Variants in DNAAF4 observed in about 807,000 individuals in gnomAD.
DNAAF4 encodes dynein assembly factor 4, axonemal.
In DNAAF4, 43 loss-of-function variants were observed where a neutral mutation model predicts 51.8. The ratio of observed to expected loss-of-function variants is 0.83; its 90% CI spans 0.65 to 1.07. The LOEUF (loss-of-function observed/expected upper bound fraction) is 1.07. DNAAF4 is among the 50% of genes least tolerant of loss of function. The pLI is 0.00. For synonymous variants in DNAAF4, 194 were observed against 165.6 expected, an observed-to-expected ratio of 1.17 and a Z score of -1.32; for missense variants, 581 against 493.0, an observed-to-expected ratio of 1.18 and a Z score of -1.69.
intron 3 of DNAAF4, among the ~76,000 whole-genome samples, chr15:55,497,314 G>A (rs1220366748): frequency 2.6e-5 from 4 of 152,136 alleles, no homozygotes; most frequent in Non-Finnish European, 5.9e-5. Context: ...AAGTCTATCT[G>A]GCCGGGTGTG....
At chr15:55,478,143 C>T (rs1048708157) in intron 4 of DNAAF4, among the ~76,000 whole-genome samples, 3 of 152,178 alleles carry the variant, frequency 2.0e-5, no homozygotes, top group Non-Finnish European at 2.9e-5. Flanking sequence ...AACGGGTACA[C>T]AAATTCAGTT....
rs564771451 is a variant in DNAAF4, at chr15:55,481,441, G to A, written c.405+9682C>T. On this transcript the variant is annotated intron_variant, in intron 4 of 9. Coordinates refer to ENST00000321149, the MANE Select transcript of DNAAF4 (RefSeq NM_130810.4). ...AATACTTGTACTTACATTGATTTTT[G>A]GACCATTTTTGTTTAATCATGTAAC... Among the ~76,000 whole-genome samples, 3 of 152,092 alleles carry A rather than the reference G, an allele frequency of 2.0e-5. No homozygotes were observed. The South Asian group carries it at 6.2e-4, about 32-fold the overall frequency.
chr15:55,432,054 C>T (rs1030850058), intron 9 of DNAAF4, among the ~76,000 whole-genome samples: 3 of 151,918 alleles, frequency 2.0e-5, no homozygotes, highest in African/African-American at 7.3e-5. Context: ...CTCCCGGGTT[C>T]AAGGGATTCT....
chr15:55,436,747 T>C (rs1368423566), intron 7 of DNAAF4, among the ~76,000 whole-genome samples: 1 of 152,136 alleles, frequency 6.6e-6, no homozygotes, highest in Non-Finnish European at 1.5e-5. Context: ...CTCAAAATCC[T>C]GAACTCAAGT....
intron 6 of DNAAF4, among the ~76,000 whole-genome samples, chr15:55,442,377 C>T (rs1247873504): frequency 2.0e-5 from 3 of 152,184 alleles, no homozygotes; most frequent in Non-Finnish European, 2.9e-5. Context: ...CCTTGGCCTC[C>T]TAAAGTGCTG....
In DNAAF4 at chr15:55,450,262, G is replaced by A. The variant is rs1425693640; in HGVS notation, c.743C>T (p.Pro248Leu). Reference sequence around the variant, plus strand: ...TACTTGTGATTCACGAAGAGCTGTTGGGAATACTCGAGGGGTAAAGTTGAT... The same window carrying A: ...TACTTGTGATTCACGAAGAGCTGTTAGGAATACTCGAGGGGTAAAGTTGAT... The part of the protein sequence containing the change: ...IKINFTPRVF[P>L]TALRESQVAE... The change falls in exon 6 of 10, where the codon CCA (proline) becomes CTA (leucine). Residue 248 changes from proline to leucine, a missense_variant. By Grantham distance (98) the Pro-to-Leu change is moderately conservative. Transcript: ENST00000321149. The A allele has an allele frequency of 6.2e-7, 1 of 1,613,988 alleles. No homozygotes were observed. The highest frequency in any genetic ancestry group is 2.2e-5 in the East Asian group (1 of 44,860).
downstream of DNAAF4, among the ~76,000 whole-genome samples, chr15:55,426,446 A>C (rs1161101565): frequency 6.6e-6 from 1 of 152,218 alleles, no homozygotes; most frequent in Non-Finnish European, 1.5e-5. Context: ...AAGTTAGTTC[A>C]GCCTATGCAC....
At chr15:55,433,884 T>TA (rs2057546253) in intron 8 of DNAAF4, among the ~76,000 whole-genome samples, 1 of 29,840 alleles carries the variant, frequency 3.4e-5, no homozygotes, top group East Asian at 7.6e-4. Context: ...ATTACATATA[T>TA]TATATATATA....
intron 4 of DNAAF4, among the ~76,000 whole-genome samples, chr15:55,473,329 A>G (rs924348095): frequency 1.4e-5 from 2 of 142,204 alleles, no homozygotes; most frequent in Non-Finnish European, 3.0e-5. Context: ...GTGTGTATAT[A>G]TATGTGTGTA....
At chr15:55,465,672 T>C (rs1480156831) in intron 5 of DNAAF4, among the ~76,000 whole-genome samples, 2 of 151,678 alleles carry the variant, frequency 1.3e-5, no homozygotes, top group African/African-American at 4.8e-5. Flanking sequence ...GTTCAAGCGA[T>C]TCTCCTGCCT....
At chr15:55,491,027 A>T in intron 4 of DNAAF4, 96 bp downstream of exon 4, 1 of 1,445,294 alleles carries the variant, frequency 6.9e-7, no homozygotes, top group Non-Finnish European at 9.5e-7. Context: ...CAAAGTATGA[A>T]GAAAATGCTG....
intron 4 of DNAAF4, among the ~76,000 whole-genome samples, chr15:55,480,232 G>T (rs2058390504): frequency 6.6e-6 from 1 of 152,112 alleles, no homozygotes; most frequent in Non-Finnish European, 1.5e-5. Context: ...CGATGGCCCA[G>T]CTGTAAAATT....
chr15:55,419,132 G>C (rs2057365943), intron 7 of DNAAF4, among the ~76,000 whole-genome samples: 1 of 152,084 alleles, frequency 6.6e-6, no homozygotes, highest in Non-Finnish European at 1.5e-5. Context: ...TAGCTAGGAT[G>C]GTCTCAATTT....
chr15:55,477,905 A>G (rs879312829), intron 4 of DNAAF4, among the ~76,000 whole-genome samples: 3 of 21,828 alleles, frequency 1.4e-4, no homozygotes, highest in East Asian at 0.043. Flanking sequence ...GTCTCTACTG[A>G]AAAAAAAAAA....
intron 5 of DNAAF4, among the ~76,000 whole-genome samples, chr15:55,465,756 G>A (rs1034898773): frequency 2.0e-5 from 3 of 151,836 alleles, no homozygotes; most frequent in Non-Finnish European, 2.9e-5. Flanking sequence ...AGTAAAGATG[G>A]GGTTTCTCCA....
At chr15:55,481,050 C>CT (rs1490164748) in intron 4 of DNAAF4, among the ~76,000 whole-genome samples, 6 of 152,114 alleles carry the variant, frequency 3.9e-5, no homozygotes, top group African/African-American at 2.4e-5. Context: ...TCCTGCCACC[C>CT]TGTTAAGAGG....
At chr15:55,505,523 C>T (rs186553728) in intron 1 of DNAAF4, among the ~76,000 whole-genome samples, 1 of 152,246 alleles carries the variant, frequency 6.6e-6, no homozygotes, top group East Asian at 1.9e-4. Context: ...ACCCAAATGT[C>T]CATCAATAAT....
intron 4 of DNAAF4, among the ~76,000 whole-genome samples, chr15:55,473,187 T>TAAAA (rs879351208): frequency 0.023 from 636 of 27,490 alleles, 60 homozygotes; most frequent in South Asian, 0.068. Context: ...AAAAAAAACC[T>TAAAA]AAAAAAAAAA....
At chr15:55,433,950 A>ATATTTTATATAATATATTATATAT (rs1555413855) in intron 8 of DNAAF4, among the ~76,000 whole-genome samples, 2 of 33,172 alleles carry the variant, frequency 6.0e-5, no homozygotes, top group African/African-American at 1.9e-4. Context: ...TATATAATAT[A>ATATTTTATATAATATATTATATAT]TATAATATAT....
Sources: gnomAD v4.1 joint callset for allele counts (sites outside exome capture counted in the v4.1 genomes callset) on GRCh38, gnomAD v4.1.1 for gene constraint, MANE v1.5 for transcripts, NCBI Gene and HGNC (gene_info 2026-07-23, HGNC 2026-07-21) for gene names.